Variants in MYO1F observed in about 807,000 individuals in gnomAD.
MYO1F encodes unconventional myosin-If.
In MYO1F, 60 loss-of-function variants were observed where a neutral mutation model predicts 146.6. The observed-to-expected ratio is 0.41, with a 90% CI of 0.33 to 0.51. The LOEUF (loss-of-function observed/expected upper bound fraction) is 0.51, where lower values mean the gene tolerates loss of function less well. Ranked by LOEUF, MYO1F falls within the 20% of genes least tolerant of loss-of-function variation. The probability of loss-of-function intolerance (pLI) is 0.25; values close to 1 mark genes in which losing one functional copy is unlikely to be tolerated. For missense variants in MYO1F, 1,274 were observed against 1,534.3 expected (o/e 0.83, Z 2.83); for synonymous variants, 602 against 602.1 (o/e 1.00, Z 0.00).
chr19:8,537,012 G>A lies in MYO1F; in HGVS notation c.1736C>T (p.Pro579Leu). The A allele has an allele frequency of 1.9e-6, 3 of 1,613,500 alleles. No homozygotes were observed. In the South Asian group the frequency reaches 3.3e-5, roughly 18 times the overall value. ...GGGTTTGATGCAGCGGATGTAGTGG[G>A]GTGTGCACCTCATCAGTGTGGCCAC... ...DLVATLMRCTPHYIRCIKPNE... is the reference protein window; with the variant it reads ...DLVATLMRCTLHYIRCIKPNE... Residue 579 changes from proline to leucine, a missense_variant, in exon 17 of 28, where the codon CCC becomes CTC. By Grantham distance (98) the Pro-to-Leu change is moderately conservative. Coordinates refer to ENST00000644032, the MANE Select transcript of MYO1F (RefSeq NM_012335.4).
At chr19:8,550,395 G>A in intron 9 of MYO1F, 39 bp from the exon 10 acceptor site, 1 of 1,594,322 alleles carries the variant, frequency 6.3e-7, no homozygotes, top group Non-Finnish European at 8.5e-7. Flanking sequence ...GGGACAGTTG[G>A]TTGGGCTCTT....
chr19:8,561,960 C>T (rs1316399622), intron 1 of MYO1F, among the ~76,000 whole-genome samples: 1 of 151,908 alleles, frequency 6.6e-6, no homozygotes, highest in Non-Finnish European at 1.5e-5. Flanking sequence ...CGTGATCCAC[C>T]CATGTCGGCC....
At chr19:8,551,386 C>G (rs1350617928) in intron 8 of MYO1F, 1 of 265,556 alleles carries the variant, frequency 3.8e-6, no homozygotes, top group Non-Finnish European at 7.0e-6. Flanking sequence ...TAGTCTCACT[C>G]TGTTGCCCAG....
chr19:8,574,597 CTTTCTTTCTTTCTTTCTTTCTT>C (rs1386203899), intron 1 of MYO1F, among the ~76,000 whole-genome samples: 2,344 of 64,892 alleles, frequency 0.036, 99 homozygotes, highest in African/African-American at 0.098. Context: ...CTCTCTCTCT[CTTTCTTTCTTTCTTTCTTTCTT>C]TCTTTCTTTC....
At chr19:8,570,444 T>C (rs973591731) in intron 1 of MYO1F, among the ~76,000 whole-genome samples, 1 of 145,548 alleles carries the variant, frequency 6.9e-6, no homozygotes, top group Non-Finnish European at 1.5e-5. Flanking sequence ...TGACCTTGGC[T>C]CAACCTCTGC....
chr19:8,576,152 A>G (rs571632602), intron 1 of MYO1F, among the ~76,000 whole-genome samples: 10 of 152,202 alleles, frequency 6.6e-5, no homozygotes, highest in Admixed American at 5.2e-4. Flanking sequence ...GTGTGCCACC[A>G]CGCCCAGTTA....
At chr19:8,541,869 G>T in intron 15 of MYO1F, 37 bp downstream of exon 15, 3 of 1,578,800 alleles carry the variant, frequency 1.9e-6, no homozygotes, top group Non-Finnish European at 2.6e-6. Context: ...CCCTTGGGGG[G>T]TTGTAGCCGG....
chr19:8,561,416 TCC>T (rs1391980286), intron 1 of MYO1F, among the ~76,000 whole-genome samples: 9 of 59,764 alleles, frequency 1.5e-4, no homozygotes, highest in African/African-American at 5.5e-4. Flanking sequence ...CTCCTCTCCC[TCC>T]CTTCCTTTCT....
chr19:8,555,283 T>A, intron 2 of MYO1F: 1 of 264,428 alleles, frequency 3.8e-6, no homozygotes. Context: ...GGCAGGAGAA[T>A]CATTTGAATC....
chr19:8,532,328 G>A (rs1286284585), intron 19 of MYO1F, among the ~76,000 whole-genome samples: 1 of 151,954 alleles, frequency 6.6e-6, no homozygotes, highest in African/African-American at 2.4e-5. Flanking sequence ...GACCCAGAGG[G>A]GACTTAGAGA....
chr19:8,532,129 A>C (rs556534755), intron 19 of MYO1F, among the ~76,000 whole-genome samples: 53 of 152,036 alleles, frequency 3.5e-4, no homozygotes, highest in Non-Finnish European at 6.8e-4. Flanking sequence ...CGACCCCTGA[A>C]AAAAGAAAAG....
At chr19:8,572,213 C>G (rs2042123518) in intron 1 of MYO1F, among the ~76,000 whole-genome samples, 1 of 152,178 alleles carries the variant, frequency 6.6e-6, no homozygotes, top group African/African-American at 2.4e-5. Context: ...AGACAGAAAC[C>G]TGCCTGTCTC....
chr19:8,523,626 C>A (rs1972150584), intron 25 of MYO1F, among the ~76,000 whole-genome samples: 1 of 152,154 alleles, frequency 6.6e-6, no homozygotes, highest in Admixed American at 6.6e-5. Context: ...GCTGGTTTTA[C>A]AGGCATGAGC....
rs375609608 is a variant in MYO1F at position 8,525,553 on chromosome 19, C to G, written c.2780G>C (p.Arg927Pro). 18 of 1,613,204 alleles carry G rather than the reference C, an allele frequency of 1.1e-5. No homozygotes were observed. The highest frequency in any genetic ancestry group is 1.4e-5 in the Non-Finnish European group (17 of 1,179,894). The change falls in exon 25 of 28, where the codon CGG becomes CCG. Residue 927 changes from arginine to proline, a missense_variant. Arg to Pro is a moderately radical substitution (Grantham distance 103). Transcript: ENST00000644032. ...DGLPKSSKPT[R>P]KGMAKGKPRR... ...AGGTTTTCCCTTGGCCATTCCCTTCCGCGTAGGCTCTGAAAGAAGAGTGTC... is the reference window on the plus strand; with the variant it reads ...AGGTTTTCCCTTGGCCATTCCCTTCGGCGTAGGCTCTGAAAGAAGAGTGTC...
intron 25 of MYO1F, among the ~76,000 whole-genome samples, chr19:8,524,146 C>G (rs113898159): frequency 3.3e-5 from 4 of 119,722 alleles, no homozygotes; most frequent in Admixed American, 9.4e-5. Context: ...AAAGGCCGGG[C>G]GCGGTGGCTC....
chr19:8,558,276 A>G (rs1306588471), intron 1 of MYO1F, among the ~76,000 whole-genome samples: 1 of 151,384 alleles, frequency 6.6e-6, no homozygotes, highest in African/African-American at 2.4e-5. Flanking sequence ...AGATCCTCCC[A>G]CCTCAGCCTC....
rs889718078 is a variant in MYO1F, at chr19:8,575,405, C to T, written c.3+1902G>A. ...TTAGATTGTCATAAGCAGCATGCAA[C>T]CTGGATCCCTCGTGTGTGCAGTTCA... On this transcript the variant is annotated intron_variant, in intron 1 of 27. Coordinates refer to ENST00000644032, the MANE Select transcript of MYO1F (RefSeq NM_012335.4). Among the ~76,000 whole-genome samples, 4 of 151,928 alleles carry T rather than the reference C, an allele frequency of 2.6e-5. No individual in the cohort carries two copies. In the South Asian group the frequency reaches 8.3e-4, roughly 32 times the overall value.
intron 1 of MYO1F, among the ~76,000 whole-genome samples, chr19:8,559,915 A>G (rs999480194): frequency 2.1e-4 from 30 of 143,408 alleles, no homozygotes; most frequent in Admixed American, 7.6e-4. Flanking sequence ...GTGCCATTGC[A>G]CTCCAGCCTG....
In MYO1F at chr19:8,530,664, C is replaced by T. The variant is rs999790014; in HGVS notation, c.2044-91G>A. On this transcript the variant is annotated intron_variant, in intron 19 of 27. Transcript: ENST00000644032. This position sits in a 1 kb window ranked among gnomAD's most constrained non-coding sequence, Gnocchi z 5.8. ...TTTCCCTGCGCTCACCCTACTCACA[C>T]GCTTTTGCTCACCCATCCCCACACA... The T allele has an allele frequency of 5.4e-5, 55 of 1,021,854 alleles. No homozygotes were observed. The highest frequency in any genetic ancestry group is 7.1e-5 in the Non-Finnish European group (47 of 658,276). 63.3% of individuals were successfully genotyped at this position (1,021,854 alleles called of 1,614,324 possible). A position where few individuals can be genotyped will look rare whatever the true frequency, so the allele number is the denominator to read the frequency against.
Sources: allele counts gnomAD v4.1 joint callset (sites outside exome capture counted in the v4.1 genomes callset), GRCh38; gene constraint gnomAD v4.1.1; non-coding constraint Gnocchi (gnomAD v3.1); transcripts MANE v1.5; gene names NCBI Gene and HGNC (gene_info 2026-07-23, HGNC 2026-07-21).